RBFOX1: variants seen among roughly 807,000 people sequenced by gnomAD.
RBFOX1 encodes RNA binding fox-1 homolog 1.
Under a neutral mutation model 57.7 loss-of-function variants are expected in RBFOX1, and 8 were observed. The ratio of observed to expected loss-of-function variants is 0.14; its 90% confidence interval spans 0.08 to 0.25. The LOEUF is 0.25. Ranked by LOEUF, RBFOX1 falls within the 10% of genes least tolerant of loss-of-function variation. The probability of loss-of-function intolerance (pLI) is 1.00; values close to 1 mark genes in which losing one functional copy is unlikely to be tolerated. For synonymous variants in RBFOX1, 326 were observed against 222.4 expected (o/e 1.47, Z -4.15); for missense variants, 611 against 548.5 (o/e 1.11, Z -1.14).
chr16:6,188,051 A>G (rs2152804157), intron 1 of RBFOX1, among the ~76,000 whole-genome samples: 1 of 152,292 alleles, frequency 6.6e-6, no homozygotes, highest in Admixed American at 6.5e-5. Context: ...TCCACGAAGG[A>G]TCCTCACTAA....
intron 2 of RBFOX1, among the ~76,000 whole-genome samples, chr16:6,496,117 T>C (rs1422702147): frequency 2.0e-5 from 3 of 152,108 alleles, no homozygotes; most frequent in Non-Finnish European, 2.9e-5. Context: ...GGGTGTCTTG[T>C]AGAAAACGGT....
rs1256747294 is a variant in RBFOX1 at position 7,711,626 on chromosome 16, G to GTAAT, written c.*882_*885dup. The GTAAT allele has an allele frequency of 2.6e-5, 4 of 152,156 alleles. No individual in the cohort carries two copies. Among genetic ancestry groups the GTAAT allele is most frequent in the Non-Finnish European group, 5.9e-5 (4 of 67,938 alleles). 9.4% of individuals were successfully genotyped at this position (152,156 alleles called of 1,614,324 possible). ...TTTTCTTTTTTTCCAAAAAAAGAAAGTAATAAAAACTTAAATTCTTTGTAC... is the reference window on the plus strand; with the variant it reads ...TTTTCTTTTTTTCCAAAAAAAGAAAGTAATTAATAAAAACTTAAATTCTTTGTAC... On this transcript the variant is annotated 3_prime_UTR_variant, in exon 16 of 16. Coordinates refer to ENST00000550418, the MANE Select transcript of RBFOX1 (RefSeq NM_018723.4).
intron 4 of RBFOX1, among the ~76,000 whole-genome samples, chr16:5,957,368 C>G (rs1257606983): frequency 6.6e-6 from 1 of 152,132 alleles, no homozygotes; most frequent in African/African-American, 2.4e-5. Flanking sequence ...GCATGTGCCA[C>G]CATGCCCAGC....
intron 3 of RBFOX1, among the ~76,000 whole-genome samples, chr16:6,945,551 C>T (rs2079336985): frequency 6.6e-6 from 1 of 151,972 alleles, no homozygotes; most frequent in Non-Finnish European, 1.5e-5. Flanking sequence ...ATCTGTGACT[C>T]ATGGGCAACC....
intron 4 of RBFOX1, among the ~76,000 whole-genome samples, chr16:7,413,846 T>C (rs905605479): frequency 5.3e-5 from 8 of 152,106 alleles, no homozygotes; most frequent in Non-Finnish European, 1.0e-4. Flanking sequence ...ACCCTATAAA[T>C]TGAGGTTGAT....
chr16:5,347,710 A>C, intron 1 of RBFOX1, among the ~76,000 whole-genome samples: 1 of 122,700 alleles, frequency 8.1e-6, no homozygotes, highest in Non-Finnish European at 1.7e-5. Context: ...CCACCCACCC[A>C]TCCATCCATT....
intron 13 of RBFOX1, among the ~76,000 whole-genome samples, chr16:7,668,928 G>T (rs986185936): frequency 6.6e-6 from 1 of 152,076 alleles, no homozygotes; most frequent in African/African-American, 2.4e-5. Flanking sequence ...TTTTGAGGTG[G>T]AATCTCGCTC....
At chr16:7,465,503 A>C (rs1249744839) in intron 4 of RBFOX1, among the ~76,000 whole-genome samples, 1 of 152,242 alleles carries the variant, frequency 6.6e-6, no homozygotes, top group Non-Finnish European at 1.5e-5. Flanking sequence ...GGCCTAGCAC[A>C]TATTCTGTCC....
intron 3 of RBFOX1, among the ~76,000 whole-genome samples, chr16:6,844,772 G>T (rs1013603035): frequency 2.0e-5 from 3 of 152,136 alleles, no homozygotes; most frequent in African/African-American, 7.2e-5. Flanking sequence ...ACCATCTTCT[G>T]CAATGGTTGA....
chr16:7,472,195 G>A (rs1368397921), intron 4 of RBFOX1, among the ~76,000 whole-genome samples: 1 of 152,154 alleles, frequency 6.6e-6, no homozygotes, highest in Non-Finnish European at 1.5e-5. Flanking sequence ...TTAAGAGATA[G>A]AAAGATATAG....
At chr16:7,443,817 G>T (rs1413513251) in intron 4 of RBFOX1, among the ~76,000 whole-genome samples, 1 of 152,150 alleles carries the variant, frequency 6.6e-6, no homozygotes. Context: ...AGTACAGACA[G>T]ATGAACTATT....
At chr16:7,224,127 TAAAAAAAAAAAAAAA>T (rs1168449932) in intron 4 of RBFOX1, among the ~76,000 whole-genome samples, 35 of 52,256 alleles carry the variant, frequency 6.7e-4, no homozygotes, top group Non-Finnish European at 1.0e-3. Flanking sequence ...TTCCTTTTTC[TAAAAAAAAAAAAAAA>T]AAAAAAAAAA....
chr16:6,872,926 C>A (rs138715007), intron 3 of RBFOX1, among the ~76,000 whole-genome samples: 1 of 152,124 alleles, frequency 6.6e-6, no homozygotes, highest in African/African-American at 2.4e-5. Context: ...AGTAACCTCC[C>A]TGACACTTGC....
At chr16:6,478,402 TATATATATATATATATATATA>T (rs2095309207) in intron 2 of RBFOX1, among the ~76,000 whole-genome samples, 3 of 11,290 alleles carry the variant, frequency 2.7e-4, no homozygotes, top group African/African-American at 9.7e-4. Flanking sequence ...TATATATATA[TATATATATATATATATATATA>T]TATATATTTT....
chr16:6,430,220 A>G (rs1176481287), intron 2 of RBFOX1, among the ~76,000 whole-genome samples: 1 of 152,148 alleles, frequency 6.6e-6, no homozygotes, highest in East Asian at 1.9e-4. Flanking sequence ...TAATACACCT[A>G]CTGTGTGCTG....
chr16:7,477,912 CTTG>C (rs1223297809), intron 4 of RBFOX1, among the ~76,000 whole-genome samples: 2 of 152,180 alleles, frequency 1.3e-5, no homozygotes. Context: ...CTTAAAGCAT[CTTG>C]TTGTTTATTG....
At chr16:6,469,001 C>G (rs186144154) in intron 2 of RBFOX1, among the ~76,000 whole-genome samples, 27 of 152,080 alleles carry the variant, frequency 1.8e-4, no homozygotes, top group African/African-American at 6.3e-4. Flanking sequence ...TTCTTAGGAA[C>G]CAGAAGCCCC....
intron 1 of RBFOX1, among the ~76,000 whole-genome samples, chr16:5,386,547 G>A (rs1040500249): frequency 3.9e-5 from 6 of 152,042 alleles, no homozygotes; most frequent in East Asian, 1.9e-4. Context: ...GCATTCAGAC[G>A]TTAACTCACT....
Position 6,429,816 on chromosome 16 carries a change from C to T in RBFOX1, c.-64+112759C>T, listed in dbSNP as rs188528400. On this transcript the variant is annotated intron_variant, in intron 2 of 15. Transcript: ENST00000550418. ...ATGAATGTGAACTGTGAGCCAATTG[C>T]ACCTCTTTCCTGCCCAGCGTGGTGG... 8.1e-3 allele frequency among the ~76,000 whole-genome samples: 1,240 copies of T among 152,224 alleles called. 9 individuals carry two copies. Among genetic ancestry groups the T allele is most frequent in the Non-Finnish European group, 0.014 (955 of 68,010 alleles).
Sources: gnomAD v4.1 joint callset for allele counts (sites outside exome capture counted in the v4.1 genomes callset) on GRCh38, gnomAD v4.1.1 for gene constraint, MANE v1.5 for transcripts, NCBI Gene and HGNC (gene_info 2026-07-23, HGNC 2026-07-21) for gene names.